SEC24D: variants seen among roughly 807,000 people sequenced by gnomAD.
SEC24D encodes the protein SEC24 homolog D, COPII component, also known as protein transport protein Sec24D.
In SEC24D, 69 loss-of-function variants were observed where a neutral mutation model predicts 116.9. That is an observed-to-expected ratio of 0.59 (90% CI 0.49 to 0.72). The LOEUF is 0.72. Ranked by LOEUF, SEC24D falls within the 30% of genes least tolerant of loss-of-function variation. The probability of loss-of-function intolerance (pLI) is 0.00; values close to 1 mark genes in which losing one functional copy is unlikely to be tolerated. For missense variants in SEC24D, 1,131 were observed against 1,264.1 expected (o/e 0.89, Z 1.60); for synonymous variants, 405 against 442.8 (o/e 0.91, Z 1.07).
intron 2 of SEC24D, chr4:118,825,597 T>G: frequency 2.2e-6 from 1 of 456,250 alleles, no homozygotes; most frequent in Non-Finnish European, 4.4e-6. Context: ...GAAGCTTATC[T>G]TTAAGGACCT....
chr4:118,727,043 G>A (rs1725451912), intron 22 of SEC24D, among the ~76,000 whole-genome samples: 1 of 152,182 alleles, frequency 6.6e-6, no homozygotes, highest in African/African-American at 2.4e-5. Flanking sequence ...GCTAGTACAA[G>A]CCCTGTATCT....
At chr4:118,822,331 T>C (rs1422706726) in intron 3 of SEC24D, among the ~76,000 whole-genome samples, 1 of 152,196 alleles carries the variant, frequency 6.6e-6, no homozygotes, top group East Asian at 1.9e-4. Flanking sequence ...TGCTCTTCAC[T>C]GGGCCAGACC....
At chr4:118,773,207 T>C (rs1160231944) in intron 8 of SEC24D, among the ~76,000 whole-genome samples, 1 of 152,170 alleles carries the variant, frequency 6.6e-6, no homozygotes, top group African/African-American at 2.4e-5. Flanking sequence ...CCTAGGACTC[T>C]ACAGTTGTCC....
At chr4:118,742,812 T>C (rs9307459) in intron 15 of SEC24D, among the ~76,000 whole-genome samples, 149,117 of 152,312 alleles carry the variant, frequency 0.98, 73,069 homozygotes, top group East Asian at 1. Flanking sequence ...CCTTAGGTGA[T>C]GGGGAGTGAC....
chr4:118,773,288 G>A (rs1727992872), intron 8 of SEC24D, among the ~76,000 whole-genome samples: 1 of 151,444 alleles, frequency 6.6e-6, no homozygotes, highest in South Asian at 2.1e-4. Context: ...ACTGGTCATG[G>A]GAAAGAAATT....
At position 118,764,795 on chromosome 4, in the gene SEC24D, C is replaced by G. The variant is rs780927533; in HGVS notation, c.1296+7G>C. 2.1e-6 allele frequency: 3 copies of G among 1,460,194 alleles called. No homozygotes were observed. Among genetic ancestry groups the G allele is most frequent in the Non-Finnish European group, 2.9e-6 (3 of 1,042,722 alleles). The allele number at this position is 1,460,194 out of a possible 1,614,324, so 90.5% of individuals were successfully genotyped here. ...GTATAAACACTTGAAGTTCTGGGAA[C>G]ACTTACTCTGCAATAATCCAAAGTG... On this transcript the variant is annotated splice_region_variant and intron_variant, in intron 10 of 22. Coordinates refer to ENST00000280551, the MANE Select transcript of SEC24D (RefSeq NM_014822.4).
intron 8 of SEC24D, among the ~76,000 whole-genome samples, chr4:118,780,711 G>C (rs1029810823): frequency 1.3e-5 from 2 of 151,892 alleles, no homozygotes; most frequent in Admixed American, 1.3e-4. Context: ...TTATTGTGTG[G>C]GAGTCTAAGT....
chr4:118,749,714 G>A (rs1296716135), intron 13 of SEC24D, among the ~76,000 whole-genome samples: 1 of 152,114 alleles, frequency 6.6e-6, no homozygotes, highest in African/African-American at 2.4e-5. Context: ...GTATTACAGA[G>A]TTACATCTCT....
At chr4:118,741,731 C>T (rs1726231813) in intron 15 of SEC24D, among the ~76,000 whole-genome samples, 2 of 152,052 alleles carry the variant, frequency 1.3e-5, no homozygotes, top group African/African-American at 2.4e-5. Context: ...GTCCCAAACA[C>T]GAAGGGAATG....
intron 12 of SEC24D, 22 bp downstream of exon 12, chr4:118,752,675 T>G: frequency 6.5e-7 from 1 of 1,543,402 alleles, no homozygotes. Context: ...TACTTTTAAA[T>G]TATAAAACAC....
chr4:118,773,839 T>C (rs1270679434), intron 8 of SEC24D, among the ~76,000 whole-genome samples: 5 of 152,198 alleles, frequency 3.3e-5, no homozygotes, highest in Admixed American at 2.6e-4. Flanking sequence ...TTACCTGGCC[T>C]ATATGGACAA....
chr4:118,797,320 A>T (rs563725169), intron 8 of SEC24D, among the ~76,000 whole-genome samples: 5 of 152,356 alleles, frequency 3.3e-5, no homozygotes, highest in African/African-American at 1.2e-4. Context: ...CAAGGACTAT[A>T]GGATCTATCA....
At chr4:118,779,562 C>A (rs1728303185) in intron 8 of SEC24D, among the ~76,000 whole-genome samples, 1 of 152,158 alleles carries the variant, frequency 6.6e-6, no homozygotes, top group Non-Finnish European at 1.5e-5. Context: ...GTCTAAAATT[C>A]TCTTTTTTTG....
rs13146816 is a variant in SEC24D at position 118,738,025 on chromosome 4, C to T, written c.2496+236G>A. On this transcript the variant is annotated intron_variant, in intron 19 of 22. Coordinates refer to ENST00000280551, the MANE Select transcript of SEC24D (RefSeq NM_014822.4). ...ATAACATTCTTTTGTTTATACATAC[C>T]GTAGTGACTGTCAACTGAATATGCA... is the stretch of plus-strand genomic sequence containing the variant. 0.31 allele frequency: 129,748 copies of T among 413,784 alleles called. 22,335 individuals are homozygous for T. The highest frequency in any genetic ancestry group is 0.37 in the Non-Finnish European group (82,981 of 227,062). 25.6% of individuals were successfully genotyped at this position (413,784 alleles called of 1,614,324 possible).
intron 8 of SEC24D, among the ~76,000 whole-genome samples, chr4:118,777,680 C>T (rs1195959116): frequency 6.6e-6 from 1 of 152,190 alleles, no homozygotes; most frequent in African/African-American, 2.4e-5. Flanking sequence ...CTTGAGGAAT[C>T]ATCACACTGT....
chr4:118,734,400 A>G (rs1560608684), intron 19 of SEC24D, among the ~76,000 whole-genome samples: 1 of 151,664 alleles, frequency 6.6e-6, no homozygotes, highest in Non-Finnish European at 1.5e-5. Flanking sequence ...TTTAGTAGAG[A>G]TGGGGTTTCG....
intron 6 of SEC24D, among the ~76,000 whole-genome samples, chr4:118,811,933 T>C (rs193079789): frequency 6.6e-6 from 1 of 152,310 alleles, no homozygotes; most frequent in East Asian, 1.9e-4. Flanking sequence ...AATGCTCTTT[T>C]CAATGTTGCC....
chr4:118,738,130 C>A, intron 19 of SEC24D, 131 bp downstream of exon 19: 2 of 611,606 alleles, frequency 3.3e-6, no homozygotes, highest in East Asian at 2.9e-5. Flanking sequence ...CATTCTTAAT[C>A]TTCTCAGCTA....
intron 8 of SEC24D, among the ~76,000 whole-genome samples, chr4:118,771,355 G>A (rs1353705189): frequency 6.6e-6 from 1 of 152,118 alleles, no homozygotes; most frequent in Non-Finnish European, 1.5e-5. Flanking sequence ...AAGTGGAAAA[G>A]TGAAAGGATA....
Sources: allele counts gnomAD v4.1 joint callset (sites outside exome capture counted in the v4.1 genomes callset), GRCh38; gene constraint gnomAD v4.1.1; transcripts MANE v1.5; gene names NCBI Gene and HGNC (gene_info 2026-07-23, HGNC 2026-07-21).